SP140: variants seen among roughly 807,000 people sequenced by gnomAD.
SP140 encodes the protein nuclear body protein SP140.
A neutral mutation model predicts 125.0 loss-of-function variants in SP140; 81 were observed. That is an observed-to-expected ratio of 0.65 (90% CI 0.54 to 0.78). The LOEUF is 0.78. Ranked by LOEUF, SP140 falls within the 30% of genes least tolerant of loss-of-function variation. The pLI is 0.00. For synonymous variants in SP140, 312 were observed against 354.0 expected, an observed-to-expected ratio of 0.88 and a Z score of 1.33; for missense variants, 858 against 1,037.0, an observed-to-expected ratio of 0.83 and a Z score of 2.37.
chr2:230,239,638 A>G (rs1329963063), intron 3 of SP140, among the ~76,000 whole-genome samples: 1 of 152,144 alleles, frequency 6.6e-6, no homozygotes, highest in Non-Finnish European at 1.5e-5. Flanking sequence ...TAGTAGAGAC[A>G]GGGTTTCGCC....
chr2:230,309,845 G>C, intron 22 of SP140, 79 bp from the exon 23 acceptor site: 3 of 1,436,986 alleles, frequency 2.1e-6, no homozygotes, highest in Non-Finnish European at 2.9e-6. Context: ...CACAAAGGCA[G>C]TGTGTTCTAG....
downstream of SP140, among the ~76,000 whole-genome samples, chr2:230,316,134 A>T (rs1037918114): frequency 6.6e-6 from 1 of 152,206 alleles, no homozygotes; most frequent in African/African-American, 2.4e-5. Flanking sequence ...CGTCCACTGG[A>T]TTGATGACAG....
chr2:230,207,425 C>T (rs1352315841), intron 1 of SP140, among the ~76,000 whole-genome samples: 1 of 152,092 alleles, frequency 6.6e-6, no homozygotes, highest in African/African-American at 2.4e-5. Context: ...AAGGAGATAC[C>T]AATGCAAGTG....
chr2:230,189,006 G>C, the SP140 span, among the ~76,000 whole-genome samples: 116,558 of 151,994 alleles, frequency 0.77, 44,793 homozygotes, highest in Admixed American at 0.83. Flanking sequence ...GGTGTTCATA[G>C]TAGTCCTGAA....
rs368133176 is a variant in SP140, at chr2:230,245,861, A to G, written c.665-2A>G. On this transcript the variant is annotated splice_acceptor_variant, in intron 6 of 26. Coordinates refer to ENST00000392045, the MANE Select transcript of SP140 (RefSeq NM_007237.5). LOFTEE classifies it high-confidence loss of function. ...CTGTCATGTTCCTCTTTCACTCTGCAGTGTCCTGTAAACTTGCTATACAAA... is the reference window on the plus strand; with the variant it reads ...CTGTCATGTTCCTCTTTCACTCTGCGGTGTCCTGTAAACTTGCTATACAAA... The G allele has an allele frequency of 6.9e-6, 11 of 1,594,072 alleles. No individual in the cohort carries two copies. Among genetic ancestry groups the G allele is most frequent in the Non-Finnish European group, 9.5e-6 (11 of 1,161,846 alleles).
At chr2:230,308,726 A>G (rs1378346713) in intron 22 of SP140, among the ~76,000 whole-genome samples, 2 of 152,236 alleles carry the variant, frequency 1.3e-5, no homozygotes, top group East Asian at 3.8e-4. Context: ...AAAAATACGC[A>G]GAAGGTGCAA....
At chr2:230,190,539 G>T in the SP140 span, among the ~76,000 whole-genome samples, 4 of 152,066 alleles carry the variant, frequency 2.6e-5, no homozygotes, top group Non-Finnish European at 5.9e-5. Context: ...TTCTTTTGCT[G>T]TGCTGTAGCT....
chr2:230,271,573 C>T (rs1401140835), intron 15 of SP140, among the ~76,000 whole-genome samples: 1 of 152,130 alleles, frequency 6.6e-6, no homozygotes, highest in African/African-American at 2.4e-5. Flanking sequence ...GTGGTCTGTC[C>T]TGTACTCATG....
intron 3 of SP140, among the ~76,000 whole-genome samples, chr2:230,240,816 G>A (rs184552023): frequency 6.6e-6 from 1 of 152,244 alleles, no homozygotes; most frequent in Non-Finnish European, 1.5e-5. Flanking sequence ...ATTTACATGA[G>A]AGAAATGAAA....
At chr2:230,186,872 T>C in the SP140 span, among the ~76,000 whole-genome samples, 11 of 152,356 alleles carry the variant, frequency 7.2e-5, no homozygotes, top group African/African-American at 2.6e-4. Flanking sequence ...CCATGGTGTA[T>C]ATATACTACA....
intron 22 of SP140, among the ~76,000 whole-genome samples, chr2:230,303,977 G>A (rs10208536): frequency 0.011 from 1,690 of 152,126 alleles, 32 homozygotes; most frequent in African/African-American, 0.037. Context: ...GTTGCTGGTC[G>A]CCAATATGAT....
the SP140 span, among the ~76,000 whole-genome samples, chr2:230,195,972 T>C: frequency 6.6e-6 from 1 of 152,134 alleles, no homozygotes; most frequent in Non-Finnish European, 1.5e-5. Flanking sequence ...GAAATGAAGA[T>C]GACAAATTTA....
intron 1 of SP140, chr2:230,234,932 T>C (rs1382245105): frequency 6.6e-6 from 1 of 152,256 alleles, no homozygotes; most frequent in Non-Finnish European, 1.5e-5. Context: ...CTCCTTAATG[T>C]TGTAGGTTTC....
chr2:230,232,343 A>T (rs1002759308), intron 1 of SP140, among the ~76,000 whole-genome samples: 9 of 152,208 alleles, frequency 5.9e-5, no homozygotes, highest in Non-Finnish European at 8.8e-5. Context: ...GCTGCCTCAG[A>T]TAGTTGATCT....
chr2:230,224,257 A>G (rs1559195223), upstream of SP140, among the ~76,000 whole-genome samples: 1 of 152,166 alleles, frequency 6.6e-6, no homozygotes. Context: ...TGTCCAGTTC[A>G]TTGGTGTCCT....
intron 12 of SP140, among the ~76,000 whole-genome samples, chr2:230,257,523 T>C (rs1394509892): frequency 6.6e-6 from 1 of 152,098 alleles, no homozygotes; most frequent in Non-Finnish European, 1.5e-5. Flanking sequence ...TCCCAGCAAT[T>C]TGGGAGGCCA....
intron 12 of SP140, among the ~76,000 whole-genome samples, chr2:230,264,942 G>A (rs755665267): frequency 1.3e-5 from 2 of 152,152 alleles, no homozygotes; most frequent in Non-Finnish European, 2.9e-5. Context: ...GTGCTGGTTG[G>A]CCTCTTGCCA....
chr2:230,186,213 G>T, the SP140 span: 1 of 1,443,828 alleles, frequency 6.9e-7, no homozygotes, highest in Admixed American at 1.8e-5. Flanking sequence ...ACCCTTTCAG[G>T]AGTTATCTTG....
intron 1 of SP140, chr2:230,203,339 C>T (rs956295790): frequency 1.2e-5 from 2 of 160,254 alleles, no homozygotes; most frequent in Admixed American, 1.2e-4. Flanking sequence ...ACTTTAGAAG[C>T]TGATCCCACA....
Sources: gnomAD v4.1 joint callset for allele counts (sites outside exome capture counted in the v4.1 genomes callset) on GRCh38, gnomAD v4.1.1 for gene constraint, MANE v1.5 for transcripts, NCBI Gene and HGNC (gene_info 2026-07-23, HGNC 2026-07-21) for gene names.